PPP2R2B: variants seen among roughly 807,000 people sequenced by gnomAD.
PPP2R2B encodes serine/threonine-protein phosphatase 2A 55 kDa regulatory subunit B beta isoform.
Under a neutral mutation model 46.0 loss-of-function variants are expected in PPP2R2B, and 5 were observed. The observed-to-expected ratio is 0.11, with a 90% CI of 0.06 to 0.23. PPP2R2B has a LOEUF of 0.23. Ranked by LOEUF, PPP2R2B falls within the 10% of genes least tolerant of loss-of-function variation. The probability of loss-of-function intolerance (pLI) is 1.00; values close to 1 mark genes in which losing one functional copy is unlikely to be tolerated. For synonymous variants in PPP2R2B, 215 were observed against 206.7 expected (o/e 1.04, Z -0.34); for missense variants, 367 against 575.0 (o/e 0.64, Z 3.70).
At chr5:146,976,569 T>C (rs891214079) in intron 1 of PPP2R2B, among the ~76,000 whole-genome samples, 16 of 152,180 alleles carry the variant, frequency 1.1e-4, no homozygotes. Context: ...CACAACACAA[T>C]TTACTGAAAA....
chr5:147,015,602 A>G (rs182498906), intron 1 of PPP2R2B, among the ~76,000 whole-genome samples: 5 of 151,766 alleles, frequency 3.3e-5, no homozygotes, highest in Admixed American at 6.6e-5. Flanking sequence ...GCTGACTCTC[A>G]TAACACAACA....
At chr5:146,727,699 C>T (rs888202118) in intron 2 of PPP2R2B, among the ~76,000 whole-genome samples, 5 of 152,042 alleles carry the variant, frequency 3.3e-5, no homozygotes, top group African/African-American at 1.2e-4. Context: ...AAAAAATAAA[C>T]AAAATACCCA....
intron 7 of PPP2R2B, among the ~76,000 whole-genome samples, chr5:146,627,439 G>A (rs1774139111): frequency 6.6e-6 from 1 of 152,164 alleles, no homozygotes; most frequent in African/African-American, 2.4e-5. Context: ...TGGCAATTAA[G>A]TTTGTAGATG....
chr5:146,860,889 G>A (rs1657409306), intron 2 of PPP2R2B, among the ~76,000 whole-genome samples: 1 of 152,006 alleles, frequency 6.6e-6, no homozygotes, highest in African/African-American at 2.4e-5. Context: ...TCGCAGCCAA[G>A]ACATAAGGAC....
chr5:147,011,076 T>C (rs1389736699), intron 1 of PPP2R2B, among the ~76,000 whole-genome samples: 1 of 152,146 alleles, frequency 6.6e-6, no homozygotes, highest in Non-Finnish European at 1.5e-5. Flanking sequence ...TGGATGCCTT[T>C]CCGACTACTG....
chr5:146,699,046 C>T (rs1434213758), intron 3 of PPP2R2B, among the ~76,000 whole-genome samples: 1 of 152,008 alleles, frequency 6.6e-6, no homozygotes, highest in African/African-American at 2.4e-5. Flanking sequence ...TATTTTAGGT[C>T]CTTATTACCA....
intron 2 of PPP2R2B, among the ~76,000 whole-genome samples, chr5:146,813,033 G>C (rs1035071562): frequency 2.7e-5 from 4 of 149,736 alleles, no homozygotes; most frequent in African/African-American, 9.8e-5. Context: ...AACTCAGATA[G>C]AGCAAGTAAT....
At chr5:146,692,064 C>CT (rs540922029) in intron 4 of PPP2R2B, among the ~76,000 whole-genome samples, 5 of 152,200 alleles carry the variant, frequency 3.3e-5, no homozygotes, top group Non-Finnish European at 5.9e-5. Flanking sequence ...CTATCTGTCT[C>CT]TTTCACTAGA....
chr5:146,670,427 C>T (rs1440505924), intron 5 of PPP2R2B, among the ~76,000 whole-genome samples: 4 of 151,604 alleles, frequency 2.6e-5, no homozygotes. Flanking sequence ...TTCTAAAACT[C>T]AGTCCTTTTA....
At chr5:146,719,031 A>T (rs948774329) in intron 2 of PPP2R2B, among the ~76,000 whole-genome samples, 1 of 152,212 alleles carries the variant, frequency 6.6e-6, no homozygotes, top group Non-Finnish European at 1.5e-5. Flanking sequence ...CGAAAATGAG[A>T]TTTGCTGTCC....
intron 7 of PPP2R2B, among the ~76,000 whole-genome samples, chr5:146,636,762 A>G (rs1039911066): frequency 3.9e-5 from 6 of 152,260 alleles, no homozygotes; most frequent in African/African-American, 1.4e-4. Flanking sequence ...TCAACCTGAT[A>G]TGAACCATCA....
chr5:146,848,974 G>A (rs1218224157), intron 2 of PPP2R2B, among the ~76,000 whole-genome samples: 1 of 152,080 alleles, frequency 6.6e-6, no homozygotes, highest in African/African-American at 2.4e-5. Flanking sequence ...TTGGCCATTA[G>A]GAGCTCTTCC....
chr5:146,861,137 C>A (rs1246822979), intron 2 of PPP2R2B, among the ~76,000 whole-genome samples: 1 of 148,678 alleles, frequency 6.7e-6, no homozygotes, highest in African/African-American at 2.5e-5. Context: ...CTCATTGCAA[C>A]CTCTGACTCC....
chr5:147,060,474 G>A (rs1194643301), upstream of PPP2R2B, among the ~76,000 whole-genome samples: 1 of 151,894 alleles, frequency 6.6e-6, no homozygotes, highest in Non-Finnish European at 1.5e-5. Context: ...AAAATATACA[G>A]AAAATTATCC....
At chr5:146,774,350 A>G (rs193063445) in intron 2 of PPP2R2B, among the ~76,000 whole-genome samples, 7 of 152,280 alleles carry the variant, frequency 4.6e-5, no homozygotes, top group African/African-American at 1.7e-4. Flanking sequence ...TCTTAAACTG[A>G]CCAAAAAATA....
chr5:146,675,855 G>A (rs1479600544), intron 5 of PPP2R2B, among the ~76,000 whole-genome samples: 2 of 151,816 alleles, frequency 1.3e-5, no homozygotes, highest in Non-Finnish European at 2.9e-5. Context: ...TGCTTGCACA[G>A]AAAATTGAGG....
At chr5:146,605,190 G>C (rs1161931635) in intron 7 of PPP2R2B, among the ~76,000 whole-genome samples, 1 of 152,130 alleles carries the variant, frequency 6.6e-6, no homozygotes, top group Non-Finnish European at 1.5e-5. Context: ...CAGCTAGTAG[G>C]AACAGAGGCA....
At chr5:146,666,045 AT>A (rs1173739342) in intron 5 of PPP2R2B, among the ~76,000 whole-genome samples, 2 of 152,228 alleles carry the variant, frequency 1.3e-5, no homozygotes, top group African/African-American at 4.8e-5. Context: ...GAGAACACGT[AT>A]TGTAGCATTG....
upstream of PPP2R2B, among the ~76,000 whole-genome samples, chr5:147,059,353 G>T (rs1308690936): frequency 6.6e-6 from 1 of 152,128 alleles, no homozygotes; most frequent in African/African-American, 2.4e-5. Context: ...CTGTTAAAAG[G>T]CAATTATCTT....
Sources: gnomAD v4.1 joint callset for allele counts (sites outside exome capture counted in the v4.1 genomes callset) on GRCh38, gnomAD v4.1.1 for gene constraint, MANE v1.5 for transcripts, NCBI Gene and HGNC (gene_info 2026-07-23, HGNC 2026-07-21) for gene names.